The following FSAF1 variants were observed in gnomAD, a reference collection of about 807,000 sequenced individuals.
FSAF1 encodes uncharacterized protein C1orf131.
At chr1:231,227,592 T>G in the FSAF1 span, among the ~76,000 whole-genome samples, 704 of 144,784 alleles carry the variant, frequency 4.9e-3, 15 homozygotes, top group African/African-American at 0.016. Context: ...ACGGTTTTTT[T>G]TTTTTTTTTT....
chr1:231,228,175 T>C, the FSAF1 span, among the ~76,000 whole-genome samples: 8 of 150,710 alleles, frequency 5.3e-5, no homozygotes, highest in Non-Finnish European at 1.0e-4. Flanking sequence ...TTACTTTTTC[T>C]TGTCTTTTTT....
the FSAF1 span, among the ~76,000 whole-genome samples, chr1:231,228,127 A>G: frequency 2.9e-3 from 446 of 152,328 alleles, no homozygotes; most frequent in African/African-American, 0.01. Context: ...TTTAGAAGGA[A>G]GAGAAAAAGT....
chr1:231,232,928 A>G, the FSAF1 span, among the ~76,000 whole-genome samples: 2 of 152,220 alleles, frequency 1.3e-5, no homozygotes, highest in African/African-American at 4.8e-5. Context: ...AAAAATGCAG[A>G]CGGCTGTATG....
chr1:231,233,560 T>A, the FSAF1 span, among the ~76,000 whole-genome samples: 61,839 of 150,924 alleles, frequency 0.41, 12,670 homozygotes, highest in Admixed American at 0.46. Context: ...GAACAAAAAA[T>A]TTTTTTTTTT....
the FSAF1 span, among the ~76,000 whole-genome samples, chr1:231,234,542 T>C: frequency 6.6e-6 from 1 of 152,212 alleles, no homozygotes; most frequent in Non-Finnish European, 1.5e-5. This position sits in a 1 kb window ranked among gnomAD's most constrained non-coding sequence, Gnocchi z 4.0. Flanking sequence ...AACAAACCCC[T>C]ACATCAGTCT....
At chr1:231,233,773 G>T in the FSAF1 span, among the ~76,000 whole-genome samples, 1 of 152,150 alleles carries the variant, frequency 6.6e-6, no homozygotes, top group Admixed American at 6.5e-5. Context: ...GGCTGGTCTT[G>T]AACTCCTGAC....
chr1:231,225,557 G>C, the FSAF1 span: 1 of 1,574,364 alleles, frequency 6.4e-7, no homozygotes, highest in African/African-American at 1.3e-5. Context: ...ATACATATTA[G>C]TAGTGGATAA....
the FSAF1 span, among the ~76,000 whole-genome samples, chr1:231,236,009 G>A: frequency 6.6e-6 from 1 of 152,134 alleles, no homozygotes; most frequent in South Asian, 2.1e-4. Flanking sequence ...CTCTAAAAAT[G>A]ACCAGCTGAT....
chr1:231,239,477 G>A, the FSAF1 span, among the ~76,000 whole-genome samples: 1 of 152,152 alleles, frequency 6.6e-6, no homozygotes, highest in African/African-American at 2.4e-5. Flanking sequence ...ATAGTCCCCA[G>A]GGCTGGTAAT....
chr1:231,226,369 G>A, the FSAF1 span: 76 of 273,384 alleles, frequency 2.8e-4, 3 homozygotes, highest in South Asian at 3.1e-3. Context: ...CCTCATGAGC[G>A]GAAGCAGCTT....
At chr1:231,235,390 AGGAGGC>A in the FSAF1 span, among the ~76,000 whole-genome samples, 1 of 151,944 alleles carries the variant, frequency 6.6e-6, no homozygotes, top group Admixed American at 6.6e-5. Context: ...CCAGCTACTC[AGGAGGC>A]TGAGGGAGGA....
chr1:231,236,610 T>C, the FSAF1 span: 1 of 152,114 alleles, frequency 6.6e-6, no homozygotes, highest in Non-Finnish European at 1.5e-5. Context: ...GTCTTTTCTA[T>C]TAAAAAGAAA....
At chr1:231,226,364 T>G in the FSAF1 span, 2 of 272,980 alleles carry the variant, frequency 7.3e-6, no homozygotes, top group Non-Finnish European at 1.4e-5. Flanking sequence ...CCTTCCCTCA[T>G]GAGCGGAAGC....
the FSAF1 span, among the ~76,000 whole-genome samples, chr1:231,240,866 G>A: frequency 4.0e-3 from 609 of 152,332 alleles, 4 homozygotes; most frequent in African/African-American, 0.014. This position sits in a 1 kb window ranked among gnomAD's most constrained non-coding sequence, Gnocchi z 4.1. Flanking sequence ...ACTTCCGATG[G>A]AGAAATGTGT....
At chr1:231,228,041 A>C in the FSAF1 span, among the ~76,000 whole-genome samples, 1 of 152,190 alleles carries the variant, frequency 6.6e-6, no homozygotes, top group African/African-American at 2.4e-5. Context: ...ATTTCAACTG[A>C]AAAATACCTC....
At chr1:231,235,358 A>G in the FSAF1 span, among the ~76,000 whole-genome samples, 4 of 152,096 alleles carry the variant, frequency 2.6e-5, no homozygotes, top group African/African-American at 7.2e-5. Flanking sequence ...TTAGCTGGGC[A>G]TGGTTGTGTG....
chr1:231,241,175 C>A, the FSAF1 span: 1 of 1,587,116 alleles, frequency 6.3e-7, no homozygotes, highest in Admixed American at 1.7e-5. Context: ...CCGGGTTCCG[C>A]GACTGCGCGC....
chr1:231,226,313 G>C, the FSAF1 span: 2 of 190,970 alleles, frequency 1.0e-5, no homozygotes, highest in African/African-American at 2.4e-5. Context: ...TTCATGTCTC[G>C]CTCTTGCCAT....
the FSAF1 span, among the ~76,000 whole-genome samples, chr1:231,240,204 T>C: frequency 2.0e-5 from 3 of 152,348 alleles, no homozygotes; most frequent in African/African-American, 2.4e-5. This position sits in a 1 kb window ranked among gnomAD's most constrained non-coding sequence, Gnocchi z 4.1. Flanking sequence ...AATGAGCAAA[T>C]ACACGAAAAG....
Sources: allele counts gnomAD v4.1 joint callset (sites outside exome capture counted in the v4.1 genomes callset), GRCh38; gene constraint gnomAD v4.1.1; non-coding constraint Gnocchi (gnomAD v3.1); transcripts MANE v1.5; gene names NCBI Gene and HGNC (gene_info 2026-07-23, HGNC 2026-07-21).